The following ST6GAL1 variants were observed in gnomAD, a reference collection of about 807,000 sequenced individuals.
ST6GAL1 encodes the protein ST6 beta-galactoside alpha-2,6-sialyltransferase 1.
A neutral mutation model predicts 38.0 loss-of-function variants in ST6GAL1; 20 were observed. The ratio of observed to expected loss-of-function variants is 0.53; its 90% CI spans 0.37 to 0.77. The LOEUF is 0.77. Ranked by LOEUF, ST6GAL1 falls within the 30% of genes least tolerant of loss-of-function variation. The pLI is 0.00. For missense variants in ST6GAL1, 432 were observed against 496.4 expected (o/e 0.87, Z 1.23); for synonymous variants, 196 against 188.2 (o/e 1.04, Z -0.34).
chr3:186,992,453 T>C (rs1579303055), intron 2 of ST6GAL1, among the ~76,000 whole-genome samples: 1 of 152,092 alleles, frequency 6.6e-6, no homozygotes, highest in East Asian at 1.9e-4. Context: ...CACAGAAGTG[T>C]GAGAATGGAC....
At chr3:187,001,904 C>A (rs1442224370) in intron 2 of ST6GAL1, among the ~76,000 whole-genome samples, 4 of 149,376 alleles carry the variant, frequency 2.7e-5, no homozygotes, top group African/African-American at 9.9e-5. Context: ...TGCAGTGAGC[C>A]GAGATCACGC....
At chr3:187,037,319 A>G (rs1327231641) in intron 2 of ST6GAL1, among the ~76,000 whole-genome samples, 1 of 152,212 alleles carries the variant, frequency 6.6e-6, no homozygotes, top group Non-Finnish European at 1.5e-5. Context: ...ATGATTAACC[A>G]TAACTTTATA....
At chr3:186,997,599 TA>T (rs537397109) in intron 2 of ST6GAL1, among the ~76,000 whole-genome samples, 2 of 148,030 alleles carry the variant, frequency 1.4e-5, no homozygotes, top group East Asian at 2.0e-4. Flanking sequence ...TTACAAAAAA[TA>T]AAAAAAAATA....
intron 2 of ST6GAL1, among the ~76,000 whole-genome samples, chr3:187,022,639 C>T (rs1717370000): frequency 6.6e-6 from 1 of 152,132 alleles, no homozygotes; most frequent in Admixed American, 6.5e-5. Context: ...AAAGGCCTAG[C>T]AAGGGAAGAG....
chr3:187,023,736 G>A (rs997390025), intron 2 of ST6GAL1, among the ~76,000 whole-genome samples: 2 of 152,096 alleles, frequency 1.3e-5, no homozygotes, highest in Non-Finnish European at 2.9e-5. Context: ...GACTGTTGTG[G>A]GGTGGGGGGA....
At chr3:186,948,256 G>A (rs1714446940) in intron 1 of ST6GAL1, among the ~76,000 whole-genome samples, 1 of 152,228 alleles carries the variant, frequency 6.6e-6, no homozygotes, top group African/African-American at 2.4e-5. Context: ...TCTGGTAGAC[G>A]CCAGTGGTCT....
chr3:187,076,673 A>G lies in ST6GAL1; in HGVS notation c.*870A>G, dbSNP rs1458444828. Reference sequence around the variant, plus strand: ...GGGCATTCAGATGAGTCTTAGAGGAAGAGAAGAAACATGGCAAGCAGATTA... The same window carrying G: ...GGGCATTCAGATGAGTCTTAGAGGAGGAGAAGAAACATGGCAAGCAGATTA... On this transcript the variant is annotated 3_prime_UTR_variant, in exon 8 of 8. Transcript: ENST00000169298. 1 of 396,690 alleles carries G rather than the reference A, an allele frequency of 2.5e-6. No individual in the cohort carries two copies. The highest frequency in any genetic ancestry group is 2.1e-5 in the African/African-American group (1 of 48,618). The allele number at this position is 396,690 out of a possible 1,614,324, so 24.6% of individuals were successfully genotyped here.
chr3:187,012,705 G>C lies in ST6GAL1; in HGVS notation c.-182-26037G>C, dbSNP rs561380932. Among the ~76,000 whole-genome samples, 16 of 152,368 alleles carry C rather than the reference G, an allele frequency of 1.1e-4. No individual in the cohort carries two copies. In the East Asian group the frequency reaches 2.9e-3, roughly 28 times the overall value. Reference sequence around the variant, plus strand: ...CCATTTCTCCTGAAATCAAGACTGGGTGCCAGGCCGTAGGGCTGCCAGCCT... The same window carrying C: ...CCATTTCTCCTGAAATCAAGACTGGCTGCCAGGCCGTAGGGCTGCCAGCCT... On this transcript the variant is annotated intron_variant, in intron 2 of 7. Transcript: ENST00000169298.
intron 1 of ST6GAL1, among the ~76,000 whole-genome samples, chr3:186,945,455 C>G (rs1243955126): frequency 1.3e-5 from 2 of 152,104 alleles, no homozygotes; most frequent in East Asian, 3.8e-4. Flanking sequence ...CTGAAGAGGC[C>G]TTCTCAGGAA....
At chr3:187,057,707 GCCCCTACTGGGAGGTGCCT>G (rs1031616640) in intron 5 of ST6GAL1, among the ~76,000 whole-genome samples, 19 of 152,280 alleles carry the variant, frequency 1.2e-4, no homozygotes, top group African/African-American at 4.1e-4. Flanking sequence ...GTGTCAGTCG[GCCCCTACTGGGAGGTGCCT>G]CCCAGTTAGG....
intron 1 of ST6GAL1, among the ~76,000 whole-genome samples, chr3:186,960,216 A>G (rs556086195): frequency 2.0e-5 from 3 of 152,298 alleles, no homozygotes; most frequent in African/African-American, 7.2e-5. Context: ...GCAGCCTCTC[A>G]TTTAGCCACC....
intron 2 of ST6GAL1, among the ~76,000 whole-genome samples, chr3:186,970,255 C>T (rs1715303807): frequency 6.7e-6 from 1 of 150,050 alleles, no homozygotes; most frequent in Non-Finnish European, 1.5e-5. Context: ...CACTCTGTCA[C>T]CCAGGCTGGA....
chr3:186,945,913 C>T (rs1429745473), intron 1 of ST6GAL1, among the ~76,000 whole-genome samples: 1 of 147,388 alleles, frequency 6.8e-6, no homozygotes, highest in Non-Finnish European at 1.5e-5. Flanking sequence ...ATGGTGTGAA[C>T]CTGGGAGGCG....
At chr3:187,007,703 G>A (rs3872721) in intron 2 of ST6GAL1, among the ~76,000 whole-genome samples, 113,019 of 152,096 alleles carry the variant, frequency 0.74, 42,453 homozygotes, top group East Asian at 0.9. Context: ...GGAAAAGACA[G>A]TTCAATAGGC....
intron 4 of ST6GAL1, among the ~76,000 whole-genome samples, chr3:187,049,001 C>G (rs1718416352): frequency 6.7e-6 from 1 of 150,114 alleles, no homozygotes; most frequent in African/African-American, 2.5e-5. Context: ...AGCGATTCTC[C>G]TGCCTCAGCC....
intron 2 of ST6GAL1, chr3:186,986,529 A>G (rs940215033): frequency 1.3e-5 from 2 of 152,582 alleles, no homozygotes; most frequent in African/African-American, 2.4e-5. Flanking sequence ...TTTTTGATCC[A>G]CTTGCCTTTG....
At chr3:187,020,430 C>T (rs902791620) in intron 2 of ST6GAL1, among the ~76,000 whole-genome samples, 3 of 152,350 alleles carry the variant, frequency 2.0e-5, no homozygotes, top group Non-Finnish European at 4.4e-5. Context: ...CCCCACCCCA[C>T]AGGGTGGTGG....
At chr3:187,005,439 C>A (rs1423707821) in intron 2 of ST6GAL1, among the ~76,000 whole-genome samples, 1 of 152,040 alleles carries the variant, frequency 6.6e-6, no homozygotes, top group Non-Finnish European at 1.5e-5. Context: ...CCATGCCCGG[C>A]TAACTTTTGT....
chr3:186,981,994 CTA>C (rs80117139), intron 2 of ST6GAL1, among the ~76,000 whole-genome samples: 9,437 of 152,242 alleles, frequency 0.062, 386 homozygotes, highest in East Asian at 0.18. Context: ...CCTAACAACT[CTA>C]TGATAGCAGT....
Sources: allele counts gnomAD v4.1 joint callset (sites outside exome capture counted in the v4.1 genomes callset), GRCh38; gene constraint gnomAD v4.1.1; transcripts MANE v1.5; gene names NCBI Gene and HGNC (gene_info 2026-07-23, HGNC 2026-07-21).